PRR14L: variants seen among roughly 807,000 people sequenced by gnomAD.
PRR14L encodes proline rich 14 like.
In PRR14L, 80 loss-of-function variants were observed where a neutral mutation model predicts 155.0. The observed-to-expected ratio is 0.52, with a 90% CI of 0.43 to 0.62. The LOEUF is 0.62. PRR14L is among the 20% of genes least tolerant of loss of function. The pLI is 0.00. For missense variants in PRR14L, 2,469 were observed against 2,548.0 expected (o/e 0.97, Z 0.67); for synonymous variants, 883 against 916.0 (o/e 0.96, Z 0.65).
At chr22:31,699,641 T>C (rs529279802) in intron 7 of PRR14L, among the ~76,000 whole-genome samples, 1 of 152,364 alleles carries the variant, frequency 6.6e-6, no homozygotes, top group Admixed American at 6.5e-5. Flanking sequence ...ATGATGACTT[T>C]AAGACTTTTA....
In PRR14L at chr22:31,714,081, C is replaced by T; in HGVS notation, c.3758G>A (p.Ser1253Asn). 1.3e-6 allele frequency: 2 copies of T among 1,550,194 alleles called. No homozygotes were observed. Among genetic ancestry groups the T allele is most frequent in the Non-Finnish European group, 1.7e-6 (2 of 1,146,680 alleles). ...SQENSETNVN[S>N]EETDLKNLCK... ...AAGATTTTTCAGGTCAGTTTCTTCA[C>T]TGTTAACATTAGTTTCTGAATTTTC... The change falls in exon 4 of 9, where the codon AGT (serine) becomes AAT (asparagine). Residue 1253 changes from serine to asparagine, a missense_variant. Ser to Asn is a conservative substitution (Grantham distance 46). Coordinates refer to ENST00000327423, the MANE Select transcript of PRR14L (RefSeq NM_173566.3).
chr22:31,713,230 C>T lies in PRR14L; in HGVS notation c.4609G>A (p.Val1537Ile), dbSNP rs1370256253. 2.6e-6 allele frequency: 4 copies of T among 1,551,858 alleles called. No individual in the cohort carries two copies. The highest frequency in any genetic ancestry group is 2.0e-5 in the Admixed American group (1 of 50,972). The change falls in exon 4 of 9, where the codon GTT (valine) becomes ATT (isoleucine). Residue 1537 changes from valine (V) to isoleucine (I), a missense_variant. Val to Ile is a conservative substitution (Grantham distance 29, BLOSUM62 3). Transcript: ENST00000327423. ...KKVSYQEQII[V>I]GRKIGKIRSS... Reference sequence around the variant, plus strand: ...CTGATTTTACCTATTTTTCTCCCAACAATGATTTGCTCCTGATAGGAAACT... The same window carrying T: ...CTGATTTTACCTATTTTTCTCCCAATAATGATTTGCTCCTGATAGGAAACT...
chr22:31,728,232 T>C (rs570988255), intron 2 of PRR14L, among the ~76,000 whole-genome samples: 1 of 152,312 alleles, frequency 6.6e-6, no homozygotes, highest in South Asian at 2.1e-4. Flanking sequence ...AATCATATGA[T>C]GAACTAGCAG....
intron 4 of PRR14L, among the ~76,000 whole-genome samples, chr22:31,709,227 G>A (rs1381587247): frequency 6.6e-6 from 1 of 151,312 alleles, no homozygotes. Flanking sequence ...ACAAGCATGC[G>A]CCACCACACC....
chr22:31,728,764 A>G (rs369701143), intron 2 of PRR14L, among the ~76,000 whole-genome samples: 45 of 152,124 alleles, frequency 3.0e-4, no homozygotes, highest in African/African-American at 9.9e-4. Flanking sequence ...TCTGAGTTGA[A>G]TACAACCAAT....
At chr22:31,745,790 C>A (rs987486503) in intron 1 of PRR14L, among the ~76,000 whole-genome samples, 1 of 147,024 alleles carries the variant, frequency 6.8e-6, no homozygotes, top group South Asian at 2.1e-4. Flanking sequence ...GAGGTTGCAG[C>A]GAGCAGAGAT....
intron 2 of PRR14L, among the ~76,000 whole-genome samples, chr22:31,737,806 A>G (rs2074790372): frequency 6.6e-6 from 1 of 151,880 alleles, no homozygotes; most frequent in African/African-American, 2.4e-5. Context: ...TGAAGTCAGG[A>G]GTTCGAGACC....
At chr22:31,739,329 C>T (rs1005795573) in intron 1 of PRR14L, among the ~76,000 whole-genome samples, 2 of 152,180 alleles carry the variant, frequency 1.3e-5, no homozygotes, top group Non-Finnish European at 2.9e-5. Flanking sequence ...ATAGTACGTA[C>T]TCGGCAAATA....
intron 6 of PRR14L, among the ~76,000 whole-genome samples, chr22:31,703,150 C>A (rs2074571597): frequency 6.6e-6 from 1 of 152,182 alleles, no homozygotes; most frequent in South Asian, 2.1e-4. Context: ...CCCTTCATAT[C>A]ATCAAAACAA....
At chr22:31,698,495 A>G (rs1191595711) in intron 7 of PRR14L, among the ~76,000 whole-genome samples, 1 of 151,406 alleles carries the variant, frequency 6.6e-6, no homozygotes, top group East Asian at 1.9e-4. Context: ...ACATCTCAAA[A>G]CAATGAGTTT....
intron 2 of PRR14L, among the ~76,000 whole-genome samples, chr22:31,730,399 G>C (rs1344212286): frequency 6.6e-6 from 1 of 152,140 alleles, no homozygotes; most frequent in Non-Finnish European, 1.5e-5. Context: ...AGCTGAGATC[G>C]TGCCACTGCA....
chr22:31,716,961 T>TCCAC lies in PRR14L; in HGVS notation c.874_877dup (p.Asp293GlyfsTer10). The TCCAC allele has an allele frequency of 6.4e-7, 1 of 1,551,938 alleles. No individual in the cohort carries two copies. The highest frequency in any genetic ancestry group is 8.7e-7 in the Non-Finnish European group (1 of 1,147,000). On this transcript the variant is annotated frameshift_variant, in exon 4 of 9. Coordinates refer to ENST00000327423, the MANE Select transcript of PRR14L (RefSeq NM_173566.3). LOFTEE classifies it high-confidence loss of function. ...TTTACACAACTCTTCCTTCCCATTGTCCACATTAGAAATGGCACTGTTTCC... is the reference window on the plus strand; with the variant it reads ...TTTACACAACTCTTCCTTCCCATTGTCCACCCACATTAGAAATGGCACTGTTTCC...
intron 3 of PRR14L, among the ~76,000 whole-genome samples, chr22:31,723,968 A>G (rs2074703947): frequency 6.6e-6 from 1 of 152,202 alleles, no homozygotes; most frequent in African/African-American, 2.4e-5. Context: ...ATCTGCATTT[A>G]CAGCTGCTCC....
chr22:31,715,645 T>C lies in PRR14L; in HGVS notation c.2194A>G (p.Thr732Ala). The stretch of plus-strand genomic sequence containing the variant: ...AGGCTTACTGGTTTGATGTTTAAGG[T>C]GGGACAGTTTGAAGAGGCACCACAG... The part of the protein sequence containing the change: ...QTCGASSNCP[T>A]LNIKPVSLER... Residue 732 changes from threonine to alanine, a missense_variant, in exon 4 of 9, where the codon ACC becomes GCC. Transcript: ENST00000327423. 2 of 1,552,186 alleles carry C rather than the reference T, an allele frequency of 1.3e-6. No individual in the cohort carries two copies. Among genetic ancestry groups the C allele is most frequent in the Non-Finnish European group, 8.7e-7 (1 of 1,147,042 alleles).
At position 31,738,803 on chromosome 22, in the gene PRR14L, C is replaced by T. The variant is rs779653532; in HGVS notation, c.58G>A (p.Val20Met). The part of the protein sequence containing the change: ...PVPLDSSMSA[V>M]VQELYSELPV... ...AGTTCAGAGTATAATTCCTGTACCA[C>T]GGCAGACATGGAGGAATCAAGTGGA... The change falls in exon 2 of 9, where the codon GTG becomes ATG. Residue 20 changes from valine (V) to methionine (M), a missense_variant. This residue lies in a region of PRR14L where 2,363 missense variants were observed against 2,371.6 expected (regional missense o/e 1.00). Transcript: ENST00000327423. 6.5e-6 allele frequency: 10 copies of T among 1,550,180 alleles called. No homozygotes were observed. The highest frequency in any genetic ancestry group is 4.1e-5 in the African/African-American group (3 of 73,008).
At chr22:31,712,060 A>G (rs1241890001) in intron 4 of PRR14L, 23 bp downstream of exon 4, 1 of 1,566,588 alleles carries the variant, frequency 6.4e-7, no homozygotes, top group Non-Finnish European at 8.6e-7. Context: ...GGACATTTGT[A>G]AAGAACAGGG....
chr22:31,686,516 T>C (rs1357926182), intron 8 of PRR14L, among the ~76,000 whole-genome samples: 1 of 151,892 alleles, frequency 6.6e-6, no homozygotes, highest in Non-Finnish European at 1.5e-5. Context: ...AGCCTCGACA[T>C]CCTGGGCTCA....
intron 7 of PRR14L, among the ~76,000 whole-genome samples, chr22:31,693,904 T>C (rs1363708935): frequency 1.3e-5 from 2 of 152,230 alleles, no homozygotes; most frequent in Non-Finnish European, 2.9e-5. Context: ...AGTTCTACTT[T>C]AAATGTAGTT....
intron 2 of PRR14L, among the ~76,000 whole-genome samples, chr22:31,732,899 A>T (rs192125902): frequency 3.9e-5 from 6 of 152,054 alleles, no homozygotes; most frequent in Non-Finnish European, 8.8e-5. Context: ...ATATATGGGC[A>T]TTTAGGTTGT....
Sources: allele counts gnomAD v4.1 joint callset (sites outside exome capture counted in the v4.1 genomes callset), GRCh38; gene constraint gnomAD v4.1.1; regional missense constraint gnomAD v4.1.1; transcripts MANE v1.5; gene names NCBI Gene and HGNC (gene_info 2026-07-23, HGNC 2026-07-21).